The following ALPK2 variants were observed in gnomAD, a reference collection of about 807,000 sequenced individuals.
The protein encoded by ALPK2 is alpha kinase 2.
Under a neutral mutation model 163.1 loss-of-function variants are expected in ALPK2, and 127 were observed. The ratio of observed to expected loss-of-function variants is 0.78; its 90% CI spans 0.67 to 0.90. The LOEUF is 0.90. Among genes scored for constraint, ALPK2 ranks in the 40% least tolerant of loss-of-function variants. The pLI is 0.00. For synonymous variants in ALPK2, 953 were observed against 959.1 expected (o/e 0.99, Z 0.12); for missense variants, 2,360 against 2,589.6 (o/e 0.91, Z 1.92).
chr18:58,621,306 G>C (rs1261882212), intron 1 of ALPK2, among the ~76,000 whole-genome samples: 1 of 149,064 alleles, frequency 6.7e-6, no homozygotes, highest in Admixed American at 6.7e-5. Context: ...GCGGAGTCTC[G>C]CTCTGTCACC....
rs969838019 is a variant in ALPK2 at position 58,626,137 on chromosome 18, C to T, written c.-21+2627G>A. The stretch of plus-strand genomic sequence containing the variant: ...TCTGTAACCGAAGCGAAGAATGTAT[C>T]GAGGTACTCCAATGGGCCTGGGAAA... On this transcript the variant is annotated intron_variant, in intron 1 of 12. Coordinates refer to ENST00000361673, the MANE Select transcript of ALPK2 (RefSeq NM_052947.4). 3.3e-5 allele frequency among the ~76,000 whole-genome samples: 5 copies of T among 152,102 alleles called. 1 individual carries two copies. Among genetic ancestry groups the T allele is most frequent in the South Asian group, 2.1e-4 (1 of 4,822 alleles).
intron 3 of ALPK2, among the ~76,000 whole-genome samples, chr18:58,595,198 C>A (rs2052035038): frequency 6.6e-6 from 1 of 152,194 alleles, no homozygotes; most frequent in Non-Finnish European, 1.5e-5. Flanking sequence ...GACCTTCCCA[C>A]CGTCATGCGC....
chr18:58,560,051 C>T (rs1044562753), intron 4 of ALPK2, among the ~76,000 whole-genome samples: 6 of 152,150 alleles, frequency 3.9e-5, no homozygotes, highest in African/African-American at 1.4e-4. Context: ...AGAGGAGTGA[C>T]GTGGTTTGGC....
chr18:58,598,284 T>C (rs979830139), intron 3 of ALPK2, among the ~76,000 whole-genome samples: 1 of 152,234 alleles, frequency 6.6e-6, no homozygotes, highest in African/African-American at 2.4e-5. Context: ...GCCTGGTGTC[T>C]CATGGAATGT....
intron 3 of ALPK2, among the ~76,000 whole-genome samples, chr18:58,603,826 C>A (rs747284862): frequency 6.6e-6 from 1 of 151,992 alleles, no homozygotes; most frequent in Non-Finnish European, 1.5e-5. Flanking sequence ...AAAAAAAATT[C>A]TATTTCAAGC....
intron 4 of ALPK2, among the ~76,000 whole-genome samples, chr18:58,568,658 A>G (rs982321353): frequency 1.1e-4 from 16 of 152,208 alleles, no homozygotes; most frequent in Admixed American, 1.0e-3. Context: ...AGATTTGGGG[A>G]AAAATTGCAT....
chr18:58,524,307 A>G (rs1323565785), intron 6 of ALPK2, among the ~76,000 whole-genome samples: 1 of 152,140 alleles, frequency 6.6e-6, no homozygotes, highest in African/African-American at 2.4e-5. Context: ...GAGTAGAGCA[A>G]AGAATTGAAA....
intron 5 of ALPK2, among the ~76,000 whole-genome samples, chr18:58,530,812 C>G (rs2051610014): frequency 2.6e-5 from 4 of 152,178 alleles, no homozygotes; most frequent in Non-Finnish European, 5.9e-5. Flanking sequence ...CTAGTTTTTT[C>G]TTCCGTGTGC....
At chr18:58,533,705 C>T (rs2051628029) in intron 5 of ALPK2, among the ~76,000 whole-genome samples, 1 of 152,132 alleles carries the variant, frequency 6.6e-6, no homozygotes, top group East Asian at 1.9e-4. Context: ...ATCCTCCTAC[C>T]TCGGCCTCCC....
chr18:58,535,400 C>G lies in ALPK2; in HGVS notation c.4787G>C (p.Gly1596Ala). ...QKRGTIENER[G>A]KPLPSSPDLT... The stretch of plus-strand genomic sequence containing the variant: ...ATCAGGAGAAGAGGGCAAAGGTTTC[C>G]CACGCTCATTCTCAATAGTTCCCCT... Residue 1596 changes from glycine to alanine, a missense_variant, in exon 5 of 13, where the codon GGG becomes GCG. By Grantham distance (60) the Gly-to-Ala change is moderately conservative. Coordinates refer to ENST00000361673, the MANE Select transcript of ALPK2 (RefSeq NM_052947.4). 6.2e-7 allele frequency: 1 copy of G among 1,614,148 alleles called. No individual in the cohort carries two copies. The highest frequency in any genetic ancestry group is 8.5e-7 in the Non-Finnish European group (1 of 1,180,024).
chr18:58,575,104 T>C (rs2051912538), intron 4 of ALPK2, among the ~76,000 whole-genome samples: 1 of 151,364 alleles, frequency 6.6e-6, no homozygotes, highest in African/African-American at 2.4e-5. Context: ...TCCCAGCTAA[T>C]CAGGAGGCTG....
chr18:58,521,627 C>CTCTTTTTTTTTTT lies in ALPK2; in HGVS notation c.5665+2178_5665+2179insAAAAAAAAAAAGA, dbSNP rs59358600. Among the ~76,000 whole-genome samples the CTCTTTTTTTTTTT allele has an allele frequency of 3.0e-3, 165 of 55,378 alleles. 4 individuals are homozygous for CTCTTTTTTTTTTT. Among genetic ancestry groups the CTCTTTTTTTTTTT allele is most frequent in the East Asian group, 0.023 (49 of 2,158 alleles). 36.3% of individuals were successfully genotyped at this position (55,378 alleles called of 152,430 possible). On this transcript the variant is annotated intron_variant, in intron 8 of 12. Coordinates refer to ENST00000361673, the MANE Select transcript of ALPK2 (RefSeq NM_052947.4). ...TTTCTTTTTCTTTCTTTCTCTCTCTCTTTTTTTTTTTTTTTTTTTGAGATG... is the reference window on the plus strand; with the variant it reads ...TTTCTTTTTCTTTCTTTCTCTCTCTCTCTTTTTTTTTTTTTTTTTTTTTTTTTTTTTTGAGATG...
intron 4 of ALPK2, among the ~76,000 whole-genome samples, chr18:58,571,053 G>T (rs2051883271): frequency 6.6e-6 from 1 of 151,956 alleles, no homozygotes; most frequent in Non-Finnish European, 1.5e-5. Flanking sequence ...TTGAGACAGA[G>T]TCTCGCTCTG....
At chr18:58,497,905 A>G (rs1227587142) in intron 12 of ALPK2, 144 bp downstream of exon 12, 1 of 702,602 alleles carries the variant, frequency 1.4e-6, no homozygotes, top group African/African-American at 1.8e-5. Flanking sequence ...TGTAAGTGAG[A>G]GAAATGAATT....
chr18:58,555,199 G>A (rs1602216000), intron 4 of ALPK2, among the ~76,000 whole-genome samples: 1 of 152,202 alleles, frequency 6.6e-6, no homozygotes, highest in African/African-American at 2.4e-5. Context: ...CGAGTTGTTC[G>A]AGTAACAACT....
intron 3 of ALPK2, among the ~76,000 whole-genome samples, chr18:58,585,719 T>C (rs2051983135): frequency 1.4e-5 from 2 of 146,316 alleles, no homozygotes; most frequent in African/African-American, 5.0e-5. Flanking sequence ...AGTCTTGCTC[T>C]GTCTCCCAGG....
chr18:58,519,743 A>G (rs961478845), intron 8 of ALPK2, among the ~76,000 whole-genome samples: 2 of 152,240 alleles, frequency 1.3e-5, no homozygotes, highest in East Asian at 3.8e-4. Flanking sequence ...TTCCAAGCTG[A>G]AACTCATCTA....
intron 9 of ALPK2, among the ~76,000 whole-genome samples, 173 bp downstream of exon 9, chr18:58,516,735 T>C (rs145413387): frequency 3.7e-4 from 56 of 152,206 alleles, no homozygotes; most frequent in African/African-American, 1.2e-3. Flanking sequence ...GGCCAAGAAA[T>C]TACTCCCGAG....
intron 4 of ALPK2, among the ~76,000 whole-genome samples, chr18:58,566,047 C>G (rs2051851554): frequency 6.6e-6 from 1 of 152,194 alleles, no homozygotes. Flanking sequence ...TCCCAAAGTG[C>G]TGGGATTATA....
Sources: allele counts gnomAD v4.1 joint callset (sites outside exome capture counted in the v4.1 genomes callset), GRCh38; gene constraint gnomAD v4.1.1; transcripts MANE v1.5; gene names NCBI Gene and HGNC (gene_info 2026-07-23, HGNC 2026-07-21).